CDH23: variants seen among roughly 807,000 people sequenced by gnomAD.
CDH23 encodes cadherin related 23, also known as cadherin-23.
CDH23 carries 189 observed loss-of-function variants against 317.1 expected under a neutral mutation model. The observed-to-expected ratio is 0.60, with a 90% CI of 0.53 to 0.67. CDH23 has a LOEUF of 0.67. Among genes scored for constraint, CDH23 ranks in the 30% least tolerant of loss-of-function variants. The pLI, the probability that CDH23 is intolerant of heterozygous loss-of-function variation, is 0.00. For synonymous variants in CDH23, 1,839 were observed against 1,876.8 expected (o/e 0.98, Z 0.52); for missense variants, 4,401 against 4,592.4 (o/e 0.96, Z 1.20).
intron 18 of CDH23, 144 bp from the exon 19 acceptor site, chr10:71,687,503 C>T: frequency 2.8e-6 from 2 of 718,540 alleles, no homozygotes; most frequent in Non-Finnish European, 5.1e-6. Context: ...CTGCTGACAC[C>T]TCACCTGGCT....
At position 71,789,008 on chromosome 10, in the gene CDH23, C is replaced by T; in HGVS notation, c.5889C>T (p.Thr1963=). 6.3e-7 allele frequency: 1 copy of T among 1,599,212 alleles called. No individual in the cohort carries two copies. The highest frequency in any genetic ancestry group is 8.6e-7 in the Non-Finnish European group (1 of 1,166,450). The change falls in exon 45 of 70, where the codon ACC becomes ACT. Residue 1963 remains threonine, a synonymous_variant. Coordinates refer to ENST00000224721, the MANE Select transcript of CDH23 (RefSeq NM_022124.6). The part of the protein sequence containing the change: ...NDNHPLFTKS[T]YQAEVMENSP... ...ACCACCCCCTCTTCACTAAAAGCAC[C>T]TACCAGGCAGAGGTGATGGAAAACT...
intron 7 of CDH23, 78 bp downstream of exon 7, chr10:71,567,014 G>T (rs899020126): frequency 1.5e-6 from 2 of 1,349,960 alleles, no homozygotes; most frequent in Non-Finnish European, 2.1e-6. Flanking sequence ...GCATTCCAAT[G>T]GGACATTGAC....
intron 44 of CDH23, among the ~76,000 whole-genome samples, chr10:71,787,484 C>T (rs1211168250): frequency 6.6e-6 from 1 of 152,124 alleles, no homozygotes; most frequent in Non-Finnish European, 1.5e-5. Context: ...CACTGCCACT[C>T]ACTGAACAGT....
At chr10:71,455,053 C>A (rs1850625056) in intron 3 of CDH23, among the ~76,000 whole-genome samples, 1 of 152,012 alleles carries the variant, frequency 6.6e-6, no homozygotes, top group Non-Finnish European at 1.5e-5. Flanking sequence ...TGTTGCCCAG[C>A]CTAGTCTCGA....
chr10:71,420,817 G>A (rs1848777255), intron 1 of CDH23, among the ~76,000 whole-genome samples: 2 of 152,092 alleles, frequency 1.3e-5, no homozygotes, highest in Non-Finnish European at 2.9e-5. Context: ...CAGCCTGGCT[G>A]CTCTCTTGGC....
chr10:71,570,937 C>T lies in CDH23; in HGVS notation c.753+19C>T. 1.2e-6 allele frequency: 2 copies of T among 1,613,024 alleles called. No homozygotes were observed. Among genetic ancestry groups the T allele is most frequent in the Non-Finnish European group, 1.7e-6 (2 of 1,179,418 alleles). ...TCCTCCGGTAAGACTCCTGGCCCTT[C>T]CTTCTCAGAAGTCCCTTCTCAGAGG... On this transcript the variant is annotated intron_variant, in intron 8 of 69. Coordinates refer to ENST00000224721, the MANE Select transcript of CDH23 (RefSeq NM_022124.6).
intron 14 of CDH23, among the ~76,000 whole-genome samples, chr10:71,659,384 C>A (rs539595257): frequency 3.3e-5 from 5 of 152,146 alleles, no homozygotes; most frequent in African/African-American, 1.2e-4. Context: ...GTCCAGGGAA[C>A]ATTTGGGAGA....
intron 6 of CDH23, among the ~76,000 whole-genome samples, chr10:71,528,397 G>A (rs990450875): frequency 1.3e-5 from 2 of 152,188 alleles, no homozygotes; most frequent in African/African-American, 4.8e-5. Flanking sequence ...CCCTCGGCCT[G>A]GCCAGTGCCT....
chr10:71,633,641 G>A (rs1862123443), intron 11 of CDH23, among the ~76,000 whole-genome samples: 1 of 152,140 alleles, frequency 6.6e-6, no homozygotes, highest in South Asian at 2.1e-4. Context: ...CAGCTCCCTT[G>A]GAAGAGGACT....
intron 8 of CDH23, among the ~76,000 whole-genome samples, chr10:71,572,359 A>G (rs77010778): frequency 0.047 from 7,212 of 152,116 alleles, 360 homozygotes; most frequent in African/African-American, 0.13. Flanking sequence ...CTGTTTTCAG[A>G]TGAGGCAGGG....
chr10:71,774,193 A>G (rs1405802188), intron 38 of CDH23, among the ~76,000 whole-genome samples: 1 of 151,942 alleles, frequency 6.6e-6, no homozygotes, highest in Admixed American at 6.6e-5. Flanking sequence ...ACATCCTGCA[A>G]GCTCCCCTCC....
intron 11 of CDH23, among the ~76,000 whole-genome samples, chr10:71,643,549 A>G (rs555816288): frequency 2.4e-4 from 29 of 121,316 alleles, no homozygotes; most frequent in East Asian, 7.1e-4. Context: ...TCAGGGAGAC[A>G]GGAGCCCTTG....
At chr10:71,694,418 C>T (rs1015858580) in intron 21 of CDH23, among the ~76,000 whole-genome samples, 159 bp downstream of exon 21, 5 of 152,018 alleles carry the variant, frequency 3.3e-5, no homozygotes, top group East Asian at 1.9e-4. Flanking sequence ...GGTCAGCCCC[C>T]GGGGCCACCA....
chr10:71,752,072 G>T (rs1840018285), intron 38 of CDH23: 1 of 700,918 alleles, frequency 1.4e-6, no homozygotes, highest in South Asian at 1.5e-5. Flanking sequence ...GAGGGCATCA[G>T]GGCCCACCAG....
rs776501112 is a variant in CDH23 at position 71,732,195 on chromosome 10, C to G, written c.3924C>G (p.Asp1308Glu). The G allele has an allele frequency of 6.2e-7, 1 of 1,613,854 alleles. No homozygotes were observed. Among genetic ancestry groups the G allele is most frequent in the Non-Finnish European group, 8.5e-7 (1 of 1,179,806 alleles). Reference protein sequence around the residue: ...SVYITLLNELDEAVQFSNASY... With the variant: ...SVYITLLNELEEAVQFSNASY... ...ACATCACTCTGCTCAACGAGCTGGACGAGGCCGTGCAGTTCTCCAATGCCT... is the reference window on the plus strand; with the variant it reads ...ACATCACTCTGCTCAACGAGCTGGAGGAGGCCGTGCAGTTCTCCAATGCCT... Residue 1308 changes from aspartate (D) to glutamate (E), a missense_variant, in exon 32 of 70, where the codon GAC becomes GAG. Coordinates refer to ENST00000224721, the MANE Select transcript of CDH23 (RefSeq NM_022124.6).
At chr10:71,627,524 T>A (rs1861798270) in intron 11 of CDH23, among the ~76,000 whole-genome samples, 2 of 152,194 alleles carry the variant, frequency 1.3e-5, no homozygotes, top group South Asian at 4.1e-4. Flanking sequence ...AGTCTCTTTG[T>A]AAATCTAATT....
rs750803248 is a variant in CDH23, at chr10:71,646,592, T to TG, written c.1428dup (p.Thr477AspfsTer10). The stretch of plus-strand genomic sequence containing the variant: ...ATCAGCCTGTACGAGAACGTCACCG[T>TG]GGGGACCTCTGTGCTGACAGTCCTG... On this transcript the variant is annotated frameshift_variant, in exon 14 of 70. Transcript: ENST00000224721. LOFTEE classifies it high-confidence loss of function. 1.9e-6 allele frequency: 3 copies of TG among 1,613,978 alleles called. No individual in the cohort carries two copies. In the Admixed American group the frequency reaches 5.0e-5, roughly 27 times the overall value.
At chr10:71,419,165 T>C (rs1589281467) in intron 1 of CDH23, among the ~76,000 whole-genome samples, 1 of 152,228 alleles carries the variant, frequency 6.6e-6, no homozygotes, top group African/African-American at 2.4e-5. Context: ...CTCTAAGACA[T>C]ATGCATACTC....
intron 14 of CDH23, among the ~76,000 whole-genome samples, chr10:71,667,750 G>A (rs1018932723): frequency 2.0e-5 from 3 of 152,260 alleles, no homozygotes; most frequent in Non-Finnish European, 4.4e-5. Flanking sequence ...GGGGTTCTCA[G>A]GAAGGGGACA....
Sources: gnomAD v4.1 joint callset for allele counts (sites outside exome capture counted in the v4.1 genomes callset) on GRCh38, gnomAD v4.1.1 for gene constraint, MANE v1.5 for transcripts, NCBI Gene and HGNC (gene_info 2026-07-23, HGNC 2026-07-21) for gene names.